LRRC8D: variants seen among roughly 807,000 people sequenced by gnomAD.
LRRC8D encodes leucine rich repeat containing 8 VRAC subunit D.
LRRC8D carries 20 observed loss-of-function variants against 55.8 expected under a neutral mutation model. The observed-to-expected ratio is 0.36, with a 90% confidence interval of 0.25 to 0.52. The LOEUF (loss-of-function observed/expected upper bound fraction) is 0.52. Ranked by LOEUF, LRRC8D falls within the 20% of genes least tolerant of loss-of-function variation. The pLI is 0.93. For synonymous variants in LRRC8D, 352 were observed against 377.0 expected (o/e 0.93, Z 0.77); for missense variants, 651 against 1,030.8 (o/e 0.63, Z 5.05).
chr1:89,824,873 C>G (rs1660727176), intron 1 of LRRC8D, among the ~76,000 whole-genome samples: 1 of 152,170 alleles, frequency 6.6e-6, no homozygotes, highest in Non-Finnish European at 1.5e-5. Context: ...GCATAAATGT[C>G]TACTTACTGC....
At position 89,934,643 on chromosome 1, in the gene LRRC8D, A is replaced by C; in HGVS notation, c.1575A>C (p.Ala525=). The C allele has an allele frequency of 6.2e-7, 1 of 1,614,246 alleles. No homozygotes were observed. The highest frequency in any genetic ancestry group is 8.5e-7 in the Non-Finnish European group (1 of 1,180,046). The change falls in exon 3 of 3, where the codon GCA becomes GCC. Residue 525 remains alanine, a synonymous_variant. Coordinates refer to ENST00000337338, the MANE Select transcript of LRRC8D (RefSeq NM_001134479.2). The surrounding 1 kb of genome is among the most constrained non-coding windows in gnomAD (Gnocchi z 5.9). ...LQELHLCHCP[A]KVEQTAFSFL... ...AGCTCCACCTCTGCCACTGCCCTGC[A>C]AAAGTTGAACAGACTGCTTTTAGCT...
At chr1:89,857,220 TA>T (rs1368634149) in intron 2 of LRRC8D, among the ~76,000 whole-genome samples, 4 of 151,766 alleles carry the variant, frequency 2.6e-5, no homozygotes, top group African/African-American at 9.7e-5. Context: ...CCGTCTCTAC[TA>T]AAAAATAGAA....
chr1:89,916,189 GA>G (rs1224426950), intron 2 of LRRC8D, among the ~76,000 whole-genome samples: 6 of 152,208 alleles, frequency 3.9e-5, no homozygotes, highest in Non-Finnish European at 7.4e-5. Context: ...ATAATTTGGG[GA>G]AAGGGAAGAA....
In LRRC8D at chr1:89,933,218, T is replaced by A; in HGVS notation, c.150T>A (p.Asp50Glu). Residue 50 changes from aspartate (D) to glutamate (E), a missense_variant, in exon 3 of 3, where the codon GAT becomes GAA. By Grantham distance (45) the Asp-to-Glu change is conservative. Around this residue, in one of 5 missense-constraint regions of LRRC8D, gnomAD observed 118 missense variants for 138.0 expected, o/e 0.85. Coordinates refer to ENST00000337338, the MANE Select transcript of LRRC8D (RefSeq NM_001134479.2). The surrounding 1 kb of genome is among the most constrained non-coding windows in gnomAD (Gnocchi z 7.0). ...IFAGTMQLTKDQVVCLPVLPS... is the reference protein window; with the variant it reads ...IFAGTMQLTKEQVVCLPVLPS... ...CAGGAACCATGCAACTTACCAAAGA[T>A]CAGGTGGTCTGTTTGCCAGTATTGC... The A allele has an allele frequency of 1.9e-6, 3 of 1,614,188 alleles. No individual in the cohort carries two copies. Among genetic ancestry groups the A allele is most frequent in the Non-Finnish European group, 2.5e-6 (3 of 1,180,038 alleles).
intron 1 of LRRC8D, among the ~76,000 whole-genome samples, chr1:89,832,681 A>G (rs889663738): frequency 6.6e-6 from 1 of 152,062 alleles, no homozygotes; most frequent in Non-Finnish European, 1.5e-5. Context: ...TAGGGACTCT[A>G]CTCTACAGAT....
chr1:89,835,418 T>A (rs1265917709), intron 1 of LRRC8D, among the ~76,000 whole-genome samples: 4 of 152,242 alleles, frequency 2.6e-5, no homozygotes, highest in Admixed American at 2.6e-4. Context: ...TAAACAGTAA[T>A]CTCTCAGAGC....
At chr1:89,822,739 G>A (rs1161062694) in intron 1 of LRRC8D, among the ~76,000 whole-genome samples, 1 of 152,126 alleles carries the variant, frequency 6.6e-6, no homozygotes, top group African/African-American at 2.4e-5. Flanking sequence ...GCTTCTTACA[G>A]ACCTGTGGGA....
At chr1:89,855,204 G>A (rs544374124) in intron 2 of LRRC8D, among the ~76,000 whole-genome samples, 7 of 152,236 alleles carry the variant, frequency 4.6e-5, no homozygotes, top group African/African-American at 7.2e-5. Context: ...TCTCCTTTCC[G>A]TTTCCATCAC....
At chr1:89,845,433 CGA>C (rs1220260283) in intron 2 of LRRC8D, among the ~76,000 whole-genome samples, 1 of 152,052 alleles carries the variant, frequency 6.6e-6, no homozygotes, top group African/African-American at 2.4e-5. Flanking sequence ...AGAAAGTAAT[CGA>C]GAGAGATTCT....
chr1:89,930,149 G>T (rs1248245867), intron 2 of LRRC8D, among the ~76,000 whole-genome samples: 2 of 152,114 alleles, frequency 1.3e-5, no homozygotes, highest in African/African-American at 4.8e-5. Context: ...GAGGACCGCT[G>T]CCCTACTTGA....
At position 89,935,550 on chromosome 1, in the gene LRRC8D, C is replaced by G; in HGVS notation, c.2482C>G (p.Leu828Val). The G allele has an allele frequency of 6.2e-7, 1 of 1,614,224 alleles. No homozygotes were observed. The highest frequency in any genetic ancestry group is 8.5e-7 in the Non-Finnish European group (1 of 1,180,048). ...GTGTCGGATGCTCAAGAAAAGCGGG[C>G]TTGTTGTGGAAGATCACCTTTTTGA... ...GQCRMLKKSG[L>V]VVEDHLFDTL... Residue 828 changes from leucine (L) to valine (V), a missense_variant, in exon 3 of 3, where the codon CTT (leucine) becomes GTT (valine). Leu to Val is a conservative substitution (Grantham distance 32). Transcript: ENST00000337338.
At chr1:89,831,621 A>G (rs1660888481) in intron 1 of LRRC8D, among the ~76,000 whole-genome samples, 1 of 152,180 alleles carries the variant, frequency 6.6e-6, no homozygotes, top group Non-Finnish European at 1.5e-5. Context: ...ATGTTTAGAA[A>G]TAGTGCAGAA....
intron 2 of LRRC8D, among the ~76,000 whole-genome samples, chr1:89,913,049 C>T (rs150235058): frequency 5.9e-5 from 9 of 152,306 alleles, no homozygotes; most frequent in African/African-American, 1.7e-4. Context: ...GTGCTACACA[C>T]GTGATTTCTA....
chr1:89,882,873 T>TA (rs1217326456), intron 2 of LRRC8D, among the ~76,000 whole-genome samples: 1 of 152,192 alleles, frequency 6.6e-6, no homozygotes, highest in African/African-American at 2.4e-5. Context: ...AGCCACTTGT[T>TA]AGGCCCAGGA....
intron 1 of LRRC8D, among the ~76,000 whole-genome samples, chr1:89,823,422 T>A (rs1296354520): frequency 6.6e-6 from 1 of 152,224 alleles, no homozygotes; most frequent in Non-Finnish European, 1.5e-5. Flanking sequence ...AAAATTAATT[T>A]TAGAAAATTC....
intron 2 of LRRC8D, among the ~76,000 whole-genome samples, chr1:89,902,218 C>G (rs1474156592): frequency 6.6e-6 from 1 of 152,272 alleles, no homozygotes; most frequent in Non-Finnish European, 1.5e-5. Flanking sequence ...GAAGATGCTC[C>G]TGCAGCAGGG....
chr1:89,921,528 G>GTTTGTTTTGTTTTGT (rs544595128), intron 2 of LRRC8D, among the ~76,000 whole-genome samples: 3 of 149,588 alleles, frequency 2.0e-5, no homozygotes, highest in East Asian at 3.9e-4. Flanking sequence ...TTTTTTGTTT[G>GTTTGTTTTGTTTTGT]TTTGTTTTGT....
At chr1:89,925,119 C>T (rs1663524841) in intron 2 of LRRC8D, among the ~76,000 whole-genome samples, 1 of 152,186 alleles carries the variant, frequency 6.6e-6, no homozygotes, top group Non-Finnish European at 1.5e-5. Context: ...CCATTGTTGA[C>T]ATTACTGCCT....
At chr1:89,884,079 T>G (rs936265568) in intron 2 of LRRC8D, among the ~76,000 whole-genome samples, 7 of 152,220 alleles carry the variant, frequency 4.6e-5, no homozygotes, top group East Asian at 1.9e-4. Flanking sequence ...CATGTTAACC[T>G]TTTTTTCCTT....
Sources: allele counts gnomAD v4.1 joint callset (sites outside exome capture counted in the v4.1 genomes callset), GRCh38; gene constraint gnomAD v4.1.1; regional missense constraint gnomAD v4.1.1; non-coding constraint Gnocchi (gnomAD v3.1); transcripts MANE v1.5; gene names NCBI Gene and HGNC (gene_info 2026-07-23, HGNC 2026-07-21).